MDGA2: variants seen among roughly 807,000 people sequenced by gnomAD.
The protein encoded by MDGA2 is MAM domain containing glycosylphosphatidylinositol anchor 2.
MDGA2 carries 40 observed loss-of-function variants against 117.8 expected under a neutral mutation model. The ratio of observed to expected loss-of-function variants is 0.34; its 90% CI spans 0.26 to 0.44. The LOEUF (loss-of-function observed/expected upper bound fraction) is 0.44. Among genes scored for constraint, MDGA2 ranks in the 20% least tolerant of loss-of-function variants. The pLI is 1.00. For synonymous variants in MDGA2, 452 were observed against 439.0 expected, an observed-to-expected ratio of 1.03 and a Z score of -0.37; for missense variants, 1,123 against 1,250.6, an observed-to-expected ratio of 0.90 and a Z score of 1.54.
At chr14:46,971,663 G>A (rs1373758209) in intron 8 of MDGA2, among the ~76,000 whole-genome samples, 1 of 151,984 alleles carries the variant, frequency 6.6e-6, no homozygotes, top group Non-Finnish European at 1.5e-5. Context: ...AGAGAGTATA[G>A]TTAGCAACAA....
At chr14:47,569,152 G>GA (rs932054207) in intron 1 of MDGA2, among the ~76,000 whole-genome samples, 3 of 151,452 alleles carry the variant, frequency 2.0e-5, no homozygotes, top group African/African-American at 4.8e-5. Flanking sequence ...GACAGGGTGA[G>GA]AAAAAAACAA....
intron 6 of MDGA2, among the ~76,000 whole-genome samples, chr14:47,079,984 G>T (rs1890649110): frequency 6.6e-6 from 1 of 152,024 alleles, no homozygotes; most frequent in Non-Finnish European, 1.5e-5. Flanking sequence ...GCCCGCCTCG[G>T]CCTCCCAAAG....
At chr14:47,606,460 G>T (rs1177895061) in intron 1 of MDGA2, among the ~76,000 whole-genome samples, 1 of 152,148 alleles carries the variant, frequency 6.6e-6, no homozygotes, top group Non-Finnish European at 1.5e-5. Context: ...TATTCTATAT[G>T]TTTAAATGTA....
chr14:47,395,338 T>G (rs981569097), intron 1 of MDGA2, among the ~76,000 whole-genome samples: 7 of 152,118 alleles, frequency 4.6e-5, no homozygotes, highest in African/African-American at 1.4e-4. Flanking sequence ...TGTAGTCATA[T>G]CCCAGAGTGT....
At chr14:47,210,166 C>T (rs1347807582) in intron 3 of MDGA2, among the ~76,000 whole-genome samples, 3 of 152,124 alleles carry the variant, frequency 2.0e-5, no homozygotes, top group Non-Finnish European at 4.4e-5. Context: ...TGTAATAAAT[C>T]TATCAGACAA....
At position 47,568,989 on chromosome 14, in the gene MDGA2, A is replaced by G. The variant is rs1895969734; in HGVS notation, c.280+105528T>C. 2.0e-5 allele frequency among the ~76,000 whole-genome samples: 3 copies of G among 151,792 alleles called. No homozygotes were observed. The South Asian group carries it at 6.2e-4, about 32-fold the overall frequency. On this transcript the variant is annotated intron_variant, in intron 1 of 16. Coordinates refer to ENST00000399232, the MANE Select transcript of MDGA2 (RefSeq NM_001113498.3). Reference sequence around the variant, plus strand: ...TTAACAGAGTCTCAGTATGTTGCCCAGGCTGGTTTTGAACTTACTATCACA... The same window carrying G: ...TTAACAGAGTCTCAGTATGTTGCCCGGGCTGGTTTTGAACTTACTATCACA...
intron 1 of MDGA2, among the ~76,000 whole-genome samples, chr14:47,658,877 C>G (rs1472399642): frequency 2.0e-5 from 3 of 152,188 alleles, no homozygotes; most frequent in Admixed American, 1.3e-4. Flanking sequence ...CATCCCAACT[C>G]TACAGCATCC....
chr14:47,584,889 GT>G (rs1339368897), intron 1 of MDGA2, among the ~76,000 whole-genome samples: 1 of 151,622 alleles, frequency 6.6e-6, no homozygotes, highest in Non-Finnish European at 1.5e-5. Context: ...CTTGCTCCCT[GT>G]CCTTAGAATG....
intron 8 of MDGA2, among the ~76,000 whole-genome samples, chr14:46,978,843 T>C (rs1886564341): frequency 6.6e-6 from 1 of 152,190 alleles, no homozygotes; most frequent in African/African-American, 2.4e-5. Context: ...TTTTCTTAGA[T>C]ACTGAGTTTG....
intron 14 of MDGA2, among the ~76,000 whole-genome samples, chr14:46,867,161 G>A (rs1452145815): frequency 1.3e-5 from 2 of 152,172 alleles, no homozygotes; most frequent in Non-Finnish European, 2.9e-5. Flanking sequence ...AACAATGATA[G>A]ACTGGATTAA....
chr14:47,486,165 G>T (rs1400559946), intron 1 of MDGA2, among the ~76,000 whole-genome samples: 2 of 152,188 alleles, frequency 1.3e-5, no homozygotes, highest in East Asian at 3.9e-4. Flanking sequence ...AAGCCACAGG[G>T]GCAGAGCTGA....
In MDGA2 at chr14:47,402,384, G is replaced by T. The variant is rs547927168; in HGVS notation, c.281-100834C>A. On this transcript the variant is annotated intron_variant, in intron 1 of 16. Transcript: ENST00000399232. ...GAGAGAGAGAGACAAAAGGAGAAAAGAAAAGCCATAAAGCCATGATTCTCT... is the reference window on the plus strand; with the variant it reads ...GAGAGAGAGAGACAAAAGGAGAAAATAAAAGCCATAAAGCCATGATTCTCT... Among the ~76,000 whole-genome samples, 87 of 130,994 alleles carry T rather than the reference G, an allele frequency of 6.6e-4. 1 individual carries two copies. The highest frequency in any genetic ancestry group is 2.5e-3 in the African/African-American group (82 of 32,624). 85.9% of individuals were successfully genotyped at this position (130,994 alleles called of 152,430 possible). A position where few individuals can be genotyped will look rare whatever the true frequency, so the allele number is the denominator to read the frequency against.
chr14:47,468,409 A>G (rs1413807911), intron 1 of MDGA2, among the ~76,000 whole-genome samples: 1 of 152,108 alleles, frequency 6.6e-6, no homozygotes, highest in East Asian at 1.9e-4. Flanking sequence ...TCTGACCCCA[A>G]TTATTTGTCC....
intron 3 of MDGA2, among the ~76,000 whole-genome samples, chr14:47,173,781 T>A (rs1884298462): frequency 6.6e-6 from 1 of 152,028 alleles, no homozygotes; most frequent in South Asian, 2.1e-4. Context: ...AATGACAGGA[T>A]CAAATTCACA....
At chr14:47,285,915 T>C (rs1216276322) in intron 2 of MDGA2, among the ~76,000 whole-genome samples, 1 of 152,110 alleles carries the variant, frequency 6.6e-6, no homozygotes, top group Non-Finnish European at 1.5e-5. Context: ...CATTAGATTT[T>C]AAAACCATGC....
At chr14:47,211,774 G>A (rs1205105199) in intron 3 of MDGA2, among the ~76,000 whole-genome samples, 1 of 152,170 alleles carries the variant, frequency 6.6e-6, no homozygotes, top group Non-Finnish European at 1.5e-5. Context: ...AAATTGCAAT[G>A]TAAATCCTAC....
intron 2 of MDGA2, among the ~76,000 whole-genome samples, chr14:47,238,195 T>C (rs1235245396): frequency 6.6e-6 from 1 of 152,214 alleles, no homozygotes; most frequent in Non-Finnish European, 1.5e-5. Context: ...CAGTTTCTAT[T>C]ATTCCCAATC....
intron 1 of MDGA2, among the ~76,000 whole-genome samples, chr14:47,474,944 G>A (rs925165950): frequency 2.0e-5 from 3 of 152,078 alleles, no homozygotes; most frequent in Admixed American, 1.3e-4. Context: ...TGACGAAAAT[G>A]CCAAAAGCTA....
chr14:47,334,863 T>C (rs2139923923), intron 1 of MDGA2, among the ~76,000 whole-genome samples: 1 of 152,024 alleles, frequency 6.6e-6, no homozygotes, highest in Non-Finnish European at 1.5e-5. Flanking sequence ...GCTCTGTCTT[T>C]ACACTGAATG....
Sources: allele counts gnomAD v4.1 joint callset (sites outside exome capture counted in the v4.1 genomes callset), GRCh38; gene constraint gnomAD v4.1.1; transcripts MANE v1.5; gene names NCBI Gene and HGNC (gene_info 2026-07-23, HGNC 2026-07-21).